Variants in ANKRD36 observed in about 807,000 individuals in gnomAD.
ANKRD36 encodes the protein ankyrin repeat domain-containing protein 36A.
A neutral mutation model predicts 278.1 loss-of-function variants in ANKRD36; 179 were observed. The ratio of observed to expected loss-of-function variants is 0.64; its 90% CI spans 0.57 to 0.73. The LOEUF (loss-of-function observed/expected upper bound fraction) is 0.73. Among genes scored for constraint, ANKRD36 ranks in the 30% least tolerant of loss-of-function variants. The pLI is 0.00. For synonymous variants in ANKRD36, 320 were observed against 641.1 expected (o/e 0.50, Z 7.57); for missense variants, 1,159 against 1,956.7 (o/e 0.59, Z 7.69).
chr2:97,195,046 A>C (rs578168666), intron 40 of ANKRD36, 129 bp downstream of exon 40: 5 of 1,362,118 alleles, frequency 3.7e-6, no homozygotes, highest in Non-Finnish European at 3.0e-6. Context: ...CTTCATTTCT[A>C]ATAAGTTCTT....
rs1180900247 is a variant in ANKRD36, at chr2:97,113,883, G to T, written c.144G>T (p.Leu48=). The change falls in exon 1 of 76, where the codon CTG becomes CTT. Residue 48 remains leucine, a synonymous_variant. Transcript: ENST00000420699. The part of the protein sequence containing the change: ...RAVLHGNLEK[L]KYLLLTYYDA... The stretch of plus-strand genomic sequence containing the variant: ...TCTTACATGGTAATCTAGAGAAACT[G>T]AAGTACCTTCTGCTCACGTATTATG... 1 of 1,613,122 alleles carries T rather than the reference G, an allele frequency of 6.2e-7. No individual in the cohort carries two copies.
At chr2:97,213,509 T>A in intron 59 of ANKRD36, 33 bp from the exon 60 acceptor site, 1 of 566,658 alleles carries the variant, frequency 1.8e-6, no homozygotes, top group Non-Finnish European at 2.9e-6. Context: ...ACATAGTTTA[T>A]GTATTGATTA....
chr2:97,231,838 TAA>T (rs1366148428), intron 67 of ANKRD36, among the ~76,000 whole-genome samples: 1 of 152,070 alleles, frequency 6.6e-6, no homozygotes, highest in African/African-American at 2.4e-5. Context: ...CCTAATAATT[TAA>T]AGTTTGCCTA....
Position 97,124,543 on chromosome 2 carries a change from G to C in ANKRD36, c.677G>C (p.Arg226Pro). The C allele has an allele frequency of 6.4e-7, 1 of 1,553,112 alleles. No individual in the cohort carries two copies. Among genetic ancestry groups the C allele is most frequent in the Middle Eastern group, 1.7e-4 (1 of 5,994 alleles). Reference sequence around the variant, plus strand: ...CAGCACAATATTGATGTGCTTTCTCGAGATGCGTTTCGAAAGATTGCAGGA... The same window carrying C: ...CAGCACAATATTGATGTGCTTTCTCCAGATGCGTTTCGAAAGATTGCAGGA... Reference protein sequence around the residue: ...LLQHNIDVLSRDAFRKIAGDY... With the variant: ...LLQHNIDVLSPDAFRKIAGDY... Residue 226 changes from arginine (R) to proline (P), a missense_variant, in exon 5 of 76, where the codon CGA becomes CCA. Arg to Pro is a moderately radical substitution (Grantham distance 103). Transcript: ENST00000420699.
chr2:97,195,675 T>A (rs1163790314), intron 40 of ANKRD36, among the ~76,000 whole-genome samples: 1 of 151,980 alleles, frequency 6.6e-6, no homozygotes, highest in Non-Finnish European at 1.5e-5. Context: ...TTCAAGGAGC[T>A]ACCTCTTGGA....
At chr2:97,157,822 T>C (rs1266368727) in intron 15 of ANKRD36, among the ~76,000 whole-genome samples, 1 of 151,808 alleles carries the variant, frequency 6.6e-6, no homozygotes, top group Non-Finnish European at 1.5e-5. Context: ...TAAATTTTTT[T>C]CCCAGTTTGT....
chr2:97,208,221 G>A (rs1284087408), intron 54 of ANKRD36, among the ~76,000 whole-genome samples: 10 of 146,582 alleles, frequency 6.8e-5, no homozygotes, highest in African/African-American at 2.4e-4. Context: ...CATTGAAATT[G>A]GGAAGAAGAA....
chr2:97,173,382 TGATA>T (rs1274236813), intron 22 of ANKRD36, among the ~76,000 whole-genome samples: 3 of 151,632 alleles, frequency 2.0e-5, no homozygotes, highest in African/African-American at 7.3e-5. Context: ...AAATGAGAGA[TGATA>T]GATACTCAAA....
At position 97,142,757 on chromosome 2, in the gene ANKRD36, A is replaced by T; in HGVS notation, c.829-6A>T. 1 of 1,598,242 alleles carries T rather than the reference A, an allele frequency of 6.3e-7. No homozygotes were observed. Among genetic ancestry groups the T allele is most frequent in the Non-Finnish European group, 8.5e-7 (1 of 1,172,852 alleles). ...TATTGATTATTTTGTTTCAAATCCC[A>T]CTCAGGCTACAAGTGGCAAGGAAGA... On this transcript the variant is annotated splice_region_variant and splice_polypyrimidine_tract_variant and intron_variant, in intron 7 of 75. Coordinates refer to ENST00000420699, the MANE Select transcript of ANKRD36 (RefSeq NM_001354587.1).
At chr2:97,179,678 T>G in intron 22 of ANKRD36, 60 bp from the exon 23 acceptor site, 1 of 1,590,108 alleles carries the variant, frequency 6.3e-7, no homozygotes, top group Non-Finnish European at 8.5e-7. Flanking sequence ...CATGCATTTA[T>G]GTATGGATAA....
intron 44 of ANKRD36, among the ~76,000 whole-genome samples, chr2:97,199,518 A>C (rs1200618641): frequency 6.6e-6 from 1 of 151,964 alleles, no homozygotes; most frequent in Non-Finnish European, 1.5e-5. Flanking sequence ...AATTCCAATT[A>C]ACTCCTAAAA....
intron 26 of ANKRD36, among the ~76,000 whole-genome samples, chr2:97,183,218 A>G (rs1288747227): frequency 6.6e-6 from 1 of 151,704 alleles, no homozygotes; most frequent in Non-Finnish European, 1.5e-5. Context: ...TATTTCAGTA[A>G]TACACACATG....
chr2:97,126,649 A>G lies in ANKRD36; in HGVS notation c.732-418A>G, dbSNP rs140791540. Among the ~76,000 whole-genome samples, 55 of 152,078 alleles carry G rather than the reference A, an allele frequency of 3.6e-4. No individual in the cohort carries two copies. The East Asian group carries it at 9.6e-3, about 27-fold the overall frequency. Reference sequence around the variant, plus strand: ...CAAGAACAAACTCCACTGCTTTACTATTTCTCTGTGAATGTTAAAAATGCT... The same window carrying G: ...CAAGAACAAACTCCACTGCTTTACTGTTTCTCTGTGAATGTTAAAAATGCT... On this transcript the variant is annotated intron_variant, in intron 5 of 75. Coordinates refer to ENST00000420699, the MANE Select transcript of ANKRD36 (RefSeq NM_001354587.1).
chr2:97,183,442 T>G lies in ANKRD36; in HGVS notation c.1838-17T>G. 1 of 1,550,742 alleles carries G rather than the reference T, an allele frequency of 6.4e-7. No homozygotes were observed. Among genetic ancestry groups the G allele is most frequent in the Non-Finnish European group, 8.7e-7 (1 of 1,145,392 alleles). Reference sequence around the variant, plus strand: ...ATATTTACATATGATGGATTATATATTTCTTTTACTTTTCAGTGTCTCCTC... The same window carrying G: ...ATATTTACATATGATGGATTATATAGTTCTTTTACTTTTCAGTGTCTCCTC... On this transcript the variant is annotated splice_polypyrimidine_tract_variant and intron_variant, in intron 26 of 75. Transcript: ENST00000420699.
At chr2:97,164,499 G>C (rs2050099445) in intron 20 of ANKRD36, 30 bp downstream of exon 20, 3 of 1,528,156 alleles carry the variant, frequency 2.0e-6, no homozygotes, top group Non-Finnish European at 2.6e-6. Context: ...TTTCGTTCTA[G>C]AAAATGTAGA....
chr2:97,202,438 T>A, intron 48 of ANKRD36, 45 bp downstream of exon 48: 3 of 1,541,038 alleles, frequency 1.9e-6, no homozygotes, highest in Non-Finnish European at 2.6e-6. Flanking sequence ...TCCAGGTAGA[T>A]AAGAAGTTCT....
intron 44 of ANKRD36, among the ~76,000 whole-genome samples, chr2:97,199,266 G>A (rs1362963517): frequency 9.9e-5 from 15 of 151,898 alleles, no homozygotes; most frequent in African/African-American, 3.4e-4. Flanking sequence ...ACTGGAAGCA[G>A]GAAACAATGG....
intron 42 of ANKRD36, 120 bp from the exon 43 acceptor site, chr2:97,198,343 C>T: frequency 6.5e-7 from 1 of 1,531,050 alleles, no homozygotes; most frequent in Non-Finnish European, 8.8e-7. Flanking sequence ...AAAGTAGAAG[C>T]CATCAAAGCG....
rs558055259 is a variant in ANKRD36, at chr2:97,200,476, T to A, written c.2808T>A (p.Ser936=). The A allele has an allele frequency of 2.5e-5, 39 of 1,587,718 alleles. No individual in the cohort carries two copies. The African/African-American group carries it at 5.2e-4, about 21-fold the overall frequency. ...AGGCCACAAGTGATGAGAAGGATTC[T>A]TTTTCGAATATAACCAGAGAAAAAA... ...SLEATSDEKD[S]FSNITREKKD... The change falls in exon 46 of 76, where the codon TCT becomes TCA. Residue 936 remains serine, a synonymous_variant. Transcript: ENST00000420699.
Sources: allele counts gnomAD v4.1 joint callset (sites outside exome capture counted in the v4.1 genomes callset), GRCh38; gene constraint gnomAD v4.1.1; transcripts MANE v1.5; gene names NCBI Gene and HGNC (gene_info 2026-07-23, HGNC 2026-07-21).